The following CEP104 variants were observed in gnomAD, a reference collection of about 807,000 sequenced individuals.
CEP104 encodes the protein centrosomal protein of 104 kDa.
A neutral mutation model predicts 113.3 loss-of-function variants in CEP104; 84 were observed. The observed-to-expected ratio is 0.74, with a 90% confidence interval of 0.62 to 0.89. CEP104 has a LOEUF of 0.89. CEP104 is among the 40% of genes least tolerant of loss of function. The pLI, the probability that CEP104 is intolerant of heterozygous loss-of-function variation, is 0.00. For missense variants in CEP104, 1,053 were observed against 1,156.6 expected, an observed-to-expected ratio of 0.91 and a Z score of 1.30; for synonymous variants, 378 against 421.7, an observed-to-expected ratio of 0.90 and a Z score of 1.27.
chr1:3,833,870 A>C lies in CEP104; in HGVS notation c.1651T>G (p.Phe551Val). 6.2e-7 allele frequency: 1 copy of C among 1,614,248 alleles called. No homozygotes were observed. The highest frequency in any genetic ancestry group is 1.1e-5 in the South Asian group (1 of 91,086). ...CGTGGTGAAGTTCAGACCTGAATAA[A>C]ATTTGCAGCTGTGACGCGGAGGCGG... is the stretch of plus-strand genomic sequence containing the variant. ...SARLRVTAANFIQEMALFKEV... is the reference protein window; with the variant it reads ...SARLRVTAANVIQEMALFKEV... The change falls in exon 12 of 22, where the codon TTT (phenylalanine) becomes GTT (valine). Residue 551 changes from phenylalanine (F) to valine (V), a missense_variant. Phe to Val is a conservative substitution (Grantham distance 50). Coordinates refer to ENST00000378230, the MANE Select transcript of CEP104 (RefSeq NM_014704.4).
chr1:3,826,420 T>A lies in CEP104; in HGVS notation c.2205A>T (p.Lys735Asn). 1 of 1,613,864 alleles carries A rather than the reference T, an allele frequency of 6.2e-7. No homozygotes were observed. Among genetic ancestry groups the A allele is most frequent in the Non-Finnish European group, 8.5e-7 (1 of 1,179,746 alleles). The change falls in exon 17 of 22, where the codon AAA (lysine) becomes AAT (asparagine). Residue 735 changes from lysine to asparagine, a missense_variant. By Grantham distance (94) the Lys-to-Asn change is moderately conservative. Coordinates refer to ENST00000378230, the MANE Select transcript of CEP104 (RefSeq NM_014704.4). ...KPKNQDIQGG[K>N]AAPAEALGIP... The stretch of plus-strand genomic sequence containing the variant: ...TTCCCAGAGCTTCAGCAGGGGCTGC[T>A]TTCCCTCCTTGAATGTCTGAAGAGA...
chr1:3,821,655 G>C (rs981643038), intron 20 of CEP104, among the ~76,000 whole-genome samples: 1 of 152,158 alleles, frequency 6.6e-6, no homozygotes, highest in Non-Finnish European at 1.5e-5. Flanking sequence ...AGCATTGCCT[G>C]TGAAGCGGCC....
At chr1:3,839,458 G>C (rs1405485495) in intron 7 of CEP104, 150 bp downstream of exon 7, 2 of 736,168 alleles carry the variant, frequency 2.7e-6, no homozygotes, top group South Asian at 1.8e-5. Context: ...GTGCTTATCT[G>C]TCTCCGTAAC....
At chr1:3,852,855 T>C (rs1044303957) in intron 1 of CEP104, among the ~76,000 whole-genome samples, 5 of 152,130 alleles carry the variant, frequency 3.3e-5, no homozygotes, top group African/African-American at 1.2e-4. Context: ...GAGAGCGCCA[T>C]GTGGTGACAG....
Position 3,823,274 on chromosome 1 carries a change from C to T in CEP104, c.2504-33G>A. 1 of 1,613,634 alleles carries T rather than the reference C, an allele frequency of 6.2e-7. No homozygotes were observed. On this transcript the variant is annotated intron_variant, in intron 19 of 21. Transcript: ENST00000378230. This position sits in a 1 kb window ranked among gnomAD's most constrained non-coding sequence, Gnocchi z 4.1. ...GATTTTAAAAAGACTCAGTCGCTCC[C>T]TGAATGACAGGCGACAAGACATGCT... is the stretch of plus-strand genomic sequence containing the variant.
At chr1:3,839,232 A>G (rs1644370368) in intron 7 of CEP104, 113 bp from the exon 8 acceptor site, 3 of 941,146 alleles carry the variant, frequency 3.2e-6, no homozygotes, top group Non-Finnish European at 5.0e-6. Flanking sequence ...GGGAGTGAGC[A>G]CAGGGAAATG....
intron 6 of CEP104, among the ~76,000 whole-genome samples, chr1:3,843,918 C>A (rs575542603): frequency 1.4e-4 from 21 of 152,172 alleles, no homozygotes; most frequent in Admixed American, 3.9e-4. Flanking sequence ...CGCGCCACCA[C>A]GCCTGGCTAA....
chr1:3,832,418 C>G (rs61768911), intron 12 of CEP104, among the ~76,000 whole-genome samples: 3,896 of 15,080 alleles, frequency 0.26, 1,101 homozygotes, highest in African/African-American at 0.28. Flanking sequence ...AGCGTAGGTC[C>G]TGACCAGGAG....
chr1:3,850,178 T>C (rs1473993301), intron 2 of CEP104, among the ~76,000 whole-genome samples: 2 of 152,196 alleles, frequency 1.3e-5, no homozygotes, highest in Admixed American at 6.5e-5. Flanking sequence ...GTCCCCATGA[T>C]TGAGTGATGT....
At chr1:3,852,239 T>C in intron 2 of CEP104, 56 bp downstream of exon 2, 1 of 1,556,678 alleles carries the variant, frequency 6.4e-7, no homozygotes, top group Non-Finnish European at 8.7e-7. Context: ...CCCTGTACCC[T>C]CCTCAGGGAC....
chr1:3,812,847 A>G lies in CEP104; in HGVS notation c.*2555T>C, dbSNP rs947225692. On this transcript the variant is annotated 3_prime_UTR_variant, in exon 22 of 22. Coordinates refer to ENST00000378230, the MANE Select transcript of CEP104 (RefSeq NM_014704.4). Reference sequence around the variant, plus strand: ...AGAGCAAGACTCCGTCTCAAACCCCACCACCCCCGCAAAACAAAAACAAAA... The same window carrying G: ...AGAGCAAGACTCCGTCTCAAACCCCGCCACCCCCGCAAAACAAAAACAAAA... 2 of 152,130 alleles carry G rather than the reference A, an allele frequency of 1.3e-5. No homozygotes were observed. Among genetic ancestry groups the G allele is most frequent in the Non-Finnish European group, 2.9e-5 (2 of 68,026 alleles). 9.4% of individuals were successfully genotyped at this position (152,130 alleles called of 1,614,324 possible).
At chr1:3,832,645 A>T (rs1414035119) in intron 12 of CEP104, among the ~76,000 whole-genome samples, 1 of 152,174 alleles carries the variant, frequency 6.6e-6, no homozygotes, top group African/African-American at 2.4e-5. Flanking sequence ...TATTAAATGA[A>T]ACTAGATCTG....
Position 3,823,366 on chromosome 1 carries a change from T to A in CEP104, c.2503+58A>T. The A allele has an allele frequency of 1.2e-6, 2 of 1,613,456 alleles. No homozygotes were observed. Among genetic ancestry groups the A allele is most frequent in the Non-Finnish European group, 1.7e-6 (2 of 1,179,432 alleles). ...GCACAGGCTCAAGAGCAGTGGCACT[T>A]CCTCCAAGAGGACCCCTGGTGACCC... On this transcript the variant is annotated intron_variant, in intron 19 of 21. Transcript: ENST00000378230. The surrounding 1 kb of genome is among the most constrained non-coding windows in gnomAD (Gnocchi z 4.1).
At chr1:3,846,307 T>C (rs139636779) in intron 4 of CEP104, among the ~76,000 whole-genome samples, 2,177 of 152,166 alleles carry the variant, frequency 0.014, 39 homozygotes, top group South Asian at 0.072. Context: ...CCCCAACCAC[T>C]GTAGACTAAC....
chr1:3,843,283 T>A (rs745815575), intron 6 of CEP104: 1 of 698,076 alleles, frequency 1.4e-6, no homozygotes. Flanking sequence ...GCGGGGCCCT[T>A]TAGCTCCCCA....
chr1:3,854,556 T>A (rs12023762), intron 1 of CEP104, among the ~76,000 whole-genome samples: 16 of 149,818 alleles, frequency 1.1e-4, no homozygotes, highest in Non-Finnish European at 2.1e-4. Context: ...GTAACCTCTG[T>A]CTCCCTGGTT....
At chr1:3,839,281 T>C (rs1439825913) in intron 7 of CEP104, among the ~76,000 whole-genome samples, 162 bp from the exon 8 acceptor site, 1 of 152,094 alleles carries the variant, frequency 6.6e-6, no homozygotes, top group Non-Finnish European at 1.5e-5. Flanking sequence ...CTGGCTGCTG[T>C]TGCTGTATGG....
intron 20 of CEP104, among the ~76,000 whole-genome samples, chr1:3,822,315 G>A (rs1353328843): frequency 1.3e-5 from 2 of 152,242 alleles, no homozygotes; most frequent in Non-Finnish European, 2.9e-5. Flanking sequence ...GCGGCTGGGG[G>A]CTGTCTTCTC....
At chr1:3,827,115 GCA>G (rs1644107063) in intron 15 of CEP104, among the ~76,000 whole-genome samples, 1 of 152,190 alleles carries the variant, frequency 6.6e-6, no homozygotes, top group Non-Finnish European at 1.5e-5. Flanking sequence ...TCATGCCACT[GCA>G]GTTTCTCTCA....
Sources: gnomAD v4.1 joint callset for allele counts (sites outside exome capture counted in the v4.1 genomes callset) on GRCh38, gnomAD v4.1.1 for gene constraint, Gnocchi (gnomAD v3.1) non-coding constraint, MANE v1.5 for transcripts, NCBI Gene and HGNC (gene_info 2026-07-23, HGNC 2026-07-21) for gene names.